Variants in N4BP3 observed in about 807,000 individuals in gnomAD.
N4BP3 encodes NEDD4-binding protein 3.
N4BP3 carries 33 observed loss-of-function variants against 43.8 expected under a neutral mutation model. That is an observed-to-expected ratio of 0.75 (90% CI 0.57 to 1.01). N4BP3 has a LOEUF of 1.01. N4BP3 is among the 50% of genes least tolerant of loss of function. The pLI is 0.00. For missense variants in N4BP3, 756 were observed against 744.2 expected, an observed-to-expected ratio of 1.02 and a Z score of -0.18; for synonymous variants, 326 against 321.9, an observed-to-expected ratio of 1.01 and a Z score of -0.14.
At position 178,121,602 on chromosome 5, in the gene N4BP3, C is replaced by CCAG; in HGVS notation, c.1237_1239dup (p.Gln413dup). ...AACTTCGGGGCAGCCGGGCACAAGC[C>CCAG]CAGGCTCAGGACGCAGAGCTGGTCC... On this transcript the variant is annotated inframe_insertion, in exon 5 of 5. Transcript: ENST00000274605. The CCAG allele has an allele frequency of 6.2e-7, 1 of 1,613,288 alleles. No homozygotes were observed. The highest frequency in any genetic ancestry group is 1.1e-5 in the South Asian group (1 of 91,086).
In N4BP3 at chr5:178,119,667, G is replaced by A; in HGVS notation, c.84G>A (p.Glu28=). ...LLERQDFSPE[E]LRAALAGSRG... is the part of the protein sequence containing the mutation. ...AACGGCAGGACTTCTCCCCTGAAGA[G>A]CTGCGGGCGGCACTTGCCGGGTCTC... The change falls in exon 2 of 5, where the codon GAG becomes GAA. Residue 28 remains glutamate (E), a synonymous_variant. Transcript: ENST00000274605. 1 of 1,608,036 alleles carries A rather than the reference G, an allele frequency of 6.2e-7. No individual in the cohort carries two copies. Among genetic ancestry groups the A allele is most frequent in the Non-Finnish European group, 8.5e-7 (1 of 1,177,324 alleles).
downstream of N4BP3, among the ~76,000 whole-genome samples, chr5:178,126,938 A>G (rs1263780806): frequency 6.6e-6 from 1 of 152,164 alleles, no homozygotes; most frequent in Non-Finnish European, 1.5e-5. Flanking sequence ...CTCAAATGCT[A>G]TTTAGACTTC....
rs539658848 is a variant in N4BP3, at chr5:178,114,586, G to A, written c.-31+815G>A. ...CCCCGACCCCAACCACATAGGAACAGATTGGGCCTGGCTGTCCTCGGGAGG... is the reference window on the plus strand; with the variant it reads ...CCCCGACCCCAACCACATAGGAACAAATTGGGCCTGGCTGTCCTCGGGAGG... On this transcript the variant is annotated intron_variant, in intron 1 of 4. Transcript: ENST00000274605. 1.4e-4 allele frequency among the ~76,000 whole-genome samples: 21 copies of A among 152,368 alleles called. No homozygotes were observed. The South Asian group carries it at 4.1e-3, about 30-fold the overall frequency.
At chr5:178,121,428 C>G (rs1286989361) in intron 4 of N4BP3, 46 bp from the exon 5 acceptor site, 2 of 1,613,518 alleles carry the variant, frequency 1.2e-6, no homozygotes, top group Non-Finnish European at 8.5e-7. Flanking sequence ...CCCTCCCAAA[C>G]CGGCTCCCCA....
rs147588405 is a variant in N4BP3 at position 178,121,628 on chromosome 5, G to C, written c.1262G>C (p.Arg421Pro). 6.2e-7 allele frequency: 1 copy of C among 1,612,772 alleles called. No homozygotes were observed. The highest frequency in any genetic ancestry group is 1.1e-5 in the South Asian group (1 of 91,050). ...CAGGCTCAGGACGCAGAGCTGGTCC[G>C]GCTGCGCGAGGCTGTGCGCAGCCTG... Reference protein sequence around the residue: ...QAQAQDAELVRLREAVRSLQE... With the variant: ...QAQAQDAELVPLREAVRSLQE... The change falls in exon 5 of 5, where the codon CGG becomes CCG. Residue 421 changes from arginine to proline, a missense_variant. Physicochemically the swap from Arg to Pro is moderately radical, Grantham distance 103 (BLOSUM62 -2). Transcript: ENST00000274605.
chr5:178,113,880 G>C (rs1322765742), intron 1 of N4BP3, 109 bp downstream of exon 1: 1 of 152,408 alleles, frequency 6.6e-6, no homozygotes, highest in East Asian at 1.9e-4. Context: ...CAAAGCTGCT[G>C]TCCCGCTGGC....
chr5:178,119,644 C>A lies in N4BP3; in HGVS notation c.61C>A (p.Arg21=). ...AMGSVGSLLE[R]QDFSPEELRA... is the part of the protein sequence containing the mutation. ...GGGCAGCGTGGGCAGCCTGTTGGAACGGCAGGACTTCTCCCCTGAAGAGCT... is the reference window on the plus strand; with the variant it reads ...GGGCAGCGTGGGCAGCCTGTTGGAAAGGCAGGACTTCTCCCCTGAAGAGCT... Residue 21 remains arginine, a synonymous_variant, in exon 2 of 5, where the codon CGG becomes AGG. Coordinates refer to ENST00000274605, the MANE Select transcript of N4BP3 (RefSeq NM_015111.2). 1 of 1,591,362 alleles carries A rather than the reference C, an allele frequency of 6.3e-7. No individual in the cohort carries two copies. Among genetic ancestry groups the A allele is most frequent in the Non-Finnish European group, 8.6e-7 (1 of 1,168,798 alleles).
Position 178,118,327 on chromosome 5 carries a change from C to T in N4BP3, c.-30-1227C>T, listed in dbSNP as rs1757819940. ...TGTGGCCCAGGCCCTGAACTGGGTG[C>T]TCTGTCATGTTATCCCACCCCATCC... On this transcript the variant is annotated intron_variant, in intron 1 of 4. Transcript: ENST00000274605. This position sits in a 1 kb window ranked among gnomAD's most constrained non-coding sequence, Gnocchi z 5.4. Among the ~76,000 whole-genome samples, 1 of 152,198 alleles carries T rather than the reference C, an allele frequency of 6.6e-6. No individual in the cohort carries two copies. The highest frequency in any genetic ancestry group is 6.5e-5 in the Admixed American group (1 of 15,288).
chr5:178,117,713 CTG>C (rs760346260), intron 1 of N4BP3, among the ~76,000 whole-genome samples: 2 of 148,080 alleles, frequency 1.4e-5, no homozygotes, highest in African/African-American at 4.9e-5. Context: ...AACCCATCCC[CTG>C]TGATTCCTTA....
In N4BP3 at chr5:178,121,719, C is replaced by A; in HGVS notation, c.1353C>A (p.Gly451=). Residue 451 remains glycine (G), a synonymous_variant, in exon 5 of 5, where the codon GGC becomes GGA. Transcript: ENST00000274605. ...AGACTGATGACTGCAAGAGCAGGGG[C>A]CTGCTAGGGGAGGCAGGAGGCAGCG... is the stretch of plus-strand genomic sequence containing the variant. The part of the protein sequence containing the change: ...SCETDDCKSR[G]LLGEAGGSEA... 6.2e-7 allele frequency: 1 copy of A among 1,609,014 alleles called. No homozygotes were observed.
intron 1 of N4BP3, among the ~76,000 whole-genome samples, chr5:178,115,317 C>T (rs942832045): frequency 2.6e-5 from 4 of 152,196 alleles, no homozygotes; most frequent in Non-Finnish European, 4.4e-5. Flanking sequence ...CTCCCAGCCC[C>T]TCTCTGGGCC....
At position 178,113,783 on chromosome 5, in the gene N4BP3, G is replaced by T. The variant is rs947497660; in HGVS notation, c.-31+12G>T. The T allele has an allele frequency of 6.6e-6, 1 of 151,658 alleles. No homozygotes were observed. The highest frequency in any genetic ancestry group is 2.4e-5 in the African/African-American group (1 of 41,342). 9.4% of individuals were successfully genotyped at this position (151,658 alleles called of 1,614,324 possible). ...GCGTCGCCACCATGGTAAGTGGGGC[G>T]CGCGAGGGGCTGGGGACCCGGGCTG... On this transcript the variant is annotated intron_variant, in intron 1 of 4. Coordinates refer to ENST00000274605, the MANE Select transcript of N4BP3 (RefSeq NM_015111.2).
At position 178,121,867 on chromosome 5, in the gene N4BP3, C is replaced by T. The variant is rs1229345267; in HGVS notation, c.1501C>T (p.Leu501=). 6.2e-7 allele frequency: 1 copy of T among 1,608,988 alleles called. No individual in the cohort carries two copies. The change falls in exon 5 of 5, where the codon CTG becomes TTG. Residue 501 remains leucine (L), a synonymous_variant. Coordinates refer to ENST00000274605, the MANE Select transcript of N4BP3 (RefSeq NM_015111.2). The part of the protein sequence containing the change: ...RTWQEEKERV[L]RYQREIQGGY... ...TTGGCAGGAGGAGAAGGAGCGCGTG[C>T]TGCGCTACCAGCGGGAGATCCAGGG...
intron 3 of N4BP3, 96 bp downstream of exon 3, chr5:178,120,795 G>A: frequency 7.0e-7 from 1 of 1,420,340 alleles, no homozygotes; most frequent in East Asian, 2.4e-5. Context: ...ACGTGGCCGT[G>A]GACACAAGAG....
rs770426969 is a variant in N4BP3, at chr5:178,124,351, C to T, written c.*2350C>T. The T allele has an allele frequency of 2.0e-5, 3 of 152,678 alleles. No individual in the cohort carries two copies. The highest frequency in any genetic ancestry group is 4.4e-5 in the Non-Finnish European group (3 of 68,102). 9.5% of individuals were successfully genotyped at this position (152,678 alleles called of 1,614,324 possible). A position where few individuals can be genotyped will look rare whatever the true frequency, so the allele number is the denominator to read the frequency against. On this transcript the variant is annotated 3_prime_UTR_variant, in exon 5 of 5. Transcript: ENST00000274605. ...AGCTGAACCTGAGCCTGGGGCGTCT[C>T]GGAGCTGGATCCCCGTCAGCTCATC...
chr5:178,116,535 G>T (rs1561614641), intron 1 of N4BP3, among the ~76,000 whole-genome samples: 1 of 152,200 alleles, frequency 6.6e-6, no homozygotes, highest in African/African-American at 2.4e-5. Flanking sequence ...TGCTTTGTCA[G>T]TGTGTCCTGT....
Position 178,122,093 on chromosome 5 carries a change from C to T in N4BP3, c.*92C>T. 7.0e-7 allele frequency: 1 copy of T among 1,422,388 alleles called. No individual in the cohort carries two copies. The highest frequency in any genetic ancestry group is 9.3e-7 in the Non-Finnish European group (1 of 1,076,236). The allele number at this position is 1,422,388 out of a possible 1,614,324, so 88.1% of individuals were successfully genotyped here. On this transcript the variant is annotated 3_prime_UTR_variant, in exon 5 of 5. Transcript: ENST00000274605. Reference sequence around the variant, plus strand: ...TCCCTTGCACTGGTTGGGGTGGAACCTGCAGAGGCCAGCCCGGGGCTGGGG... The same window carrying T: ...TCCCTTGCACTGGTTGGGGTGGAACTTGCAGAGGCCAGCCCGGGGCTGGGG...
chr5:178,120,083 A>G, intron 2 of N4BP3, 95 bp from the exon 3 acceptor site: 1 of 1,505,064 alleles, frequency 6.6e-7, no homozygotes, highest in South Asian at 1.3e-5. Flanking sequence ...CGCGGTCTCA[A>G]AGAGGATCCC....
At position 178,120,502 on chromosome 5, in the gene N4BP3, G is replaced by C. The variant is rs746461978; in HGVS notation, c.655G>C (p.Gly219Arg). 3 of 1,613,062 alleles carry C rather than the reference G, an allele frequency of 1.9e-6. No individual in the cohort carries two copies. Among genetic ancestry groups the C allele is most frequent in the East Asian group, 2.2e-5 (1 of 44,880 alleles). ...SSSLGHLNHLGGSLDRASQGP... is the reference protein window; with the variant it reads ...SSSLGHLNHLRGSLDRASQGP... ...CTCCCTTGGCCACCTTAACCACCTC[G>C]GGGGCTCCCTGGACCGGGCCTCTCA... The change falls in exon 3 of 5, where the codon GGG (glycine) becomes CGG (arginine). Residue 219 changes from glycine (G) to arginine (R), a missense_variant. Gly to Arg is a moderately radical substitution (Grantham distance 125). Transcript: ENST00000274605.
Sources: allele counts gnomAD v4.1 joint callset (sites outside exome capture counted in the v4.1 genomes callset), GRCh38; gene constraint gnomAD v4.1.1; non-coding constraint Gnocchi (gnomAD v3.1); transcripts MANE v1.5; gene names NCBI Gene and HGNC (gene_info 2026-07-23, HGNC 2026-07-21).